The following COX7A2L variants were observed in gnomAD, a reference collection of about 807,000 sequenced individuals.
COX7A2L encodes cytochrome c oxidase subunit 7A2-like, mitochondrial.
In COX7A2L, 18 loss-of-function variants were observed where a neutral mutation model predicts 14.2. The observed-to-expected ratio is 1.27, with a 90% CI of 0.88 to 1.88. The LOEUF (loss-of-function observed/expected upper bound fraction) is 1.88, where lower values mean the gene tolerates loss of function less well. Ranked by LOEUF, COX7A2L falls within the 40% of genes most tolerant of loss-of-function variation. The probability of loss-of-function intolerance (pLI) is 0.00; values close to 1 mark genes in which losing one functional copy is unlikely to be tolerated. For synonymous variants in COX7A2L, 65 were observed against 57.4 expected (o/e 1.13, Z -0.60); for missense variants, 179 against 138.8 (o/e 1.29, Z -1.46).
At chr2:42,347,307 C>CATTT (rs71408096), downstream of COX7A2L, among the ~76,000 whole-genome samples, 2 of 135,052 alleles carry the variant, frequency 1.5e-5, no homozygotes, top group African/African-American at 5.3e-5. Context: ...AAACCAGCAC[C>CATTT]TTTTTTTTTT....
At chr2:42,352,478 T>C (rs1670679630) in intron 2 of COX7A2L, among the ~76,000 whole-genome samples, 1 of 152,142 alleles carries the variant, frequency 6.6e-6, no homozygotes, top group South Asian at 2.1e-4. Context: ...GTGTCCAAAA[T>C]CCTTCCCCAC....
upstream of COX7A2L, chr2:42,365,743 C>A (rs1290078887): frequency 6.6e-6 from 1 of 152,166 alleles, no homozygotes; most frequent in Non-Finnish European, 1.5e-5. Flanking sequence ...TTAGAATGTT[C>A]TTTAATCACC....
At position 42,351,121 on chromosome 2, in the gene COX7A2L, T is replaced by G. The variant is rs1670627649; in HGVS notation, c.*98A>C. The stretch of plus-strand genomic sequence containing the variant: ...CTTCCTATTTTTCTTGCAAAAATGT[T>G]AAGCCATCCAAGTAAAAAAAAAAAT... On this transcript the variant is annotated 3_prime_UTR_variant, in exon 3 of 3. Transcript: ENST00000234301. 7.6e-7 allele frequency: 1 copy of G among 1,315,126 alleles called. No homozygotes were observed. The highest frequency in any genetic ancestry group is 1.0e-6 in the Non-Finnish European group (1 of 978,522). The allele number at this position is 1,315,126 out of a possible 1,614,324, so 81.5% of individuals were successfully genotyped here.
upstream of COX7A2L, among the ~76,000 whole-genome samples, chr2:42,364,250 C>CAAAAAAA (rs35151680): frequency 9.1e-4 from 78 of 85,412 alleles, 1 homozygote; most frequent in South Asian, 4.0e-3. Context: ...GACTCCGTCT[C>CAAAAAAA]AAAAAAAAAA....
intron 1 of COX7A2L, among the ~76,000 whole-genome samples, chr2:42,367,858 C>A (rs1046842181): frequency 6.6e-6 from 1 of 152,238 alleles, no homozygotes; most frequent in African/African-American, 2.4e-5. Context: ...ATCCTCACAT[C>A]TCTTCCACCC....
At chr2:42,347,899 C>T (rs895896546), downstream of COX7A2L, among the ~76,000 whole-genome samples, 3 of 151,932 alleles carry the variant, frequency 2.0e-5, no homozygotes, top group Non-Finnish European at 2.9e-5. Context: ...CCAGCCTGGG[C>T]AACAAGAGCG....
At chr2:42,341,094 A>T (rs1670396352) in intron 2 of COX7A2L, among the ~76,000 whole-genome samples, 1 of 152,160 alleles carries the variant, frequency 6.6e-6, no homozygotes, top group Admixed American at 6.5e-5. Context: ...GGAGAAAACA[A>T]ACAGAAAAAA....
chr2:42,347,314 T>A (rs982845145), downstream of COX7A2L, among the ~76,000 whole-genome samples: 2 of 151,450 alleles, frequency 1.3e-5, no homozygotes, highest in Admixed American at 6.6e-5. Flanking sequence ...CACCTTTTTT[T>A]TTTTTTTTTT....
At chr2:42,361,008 CT>C (rs1434578336) in intron 1 of COX7A2L, 81 bp downstream of exon 1, 12 of 1,490,216 alleles carry the variant, frequency 8.1e-6, no homozygotes, top group Non-Finnish European at 1.1e-5. Context: ...GAAGCCTCCC[CT>C]GGCTCCAACG....
At chr2:42,351,914 T>TC (rs1472937793) in intron 2 of COX7A2L, among the ~76,000 whole-genome samples, 1 of 151,984 alleles carries the variant, frequency 6.6e-6, no homozygotes, top group Non-Finnish European at 1.5e-5. Flanking sequence ...GCCCAAGAGG[T>TC]CAAGGATGCA....
intron 2 of COX7A2L, among the ~76,000 whole-genome samples, chr2:42,351,873 T>C (rs1203322856): frequency 6.6e-6 from 1 of 152,080 alleles, no homozygotes; most frequent in Non-Finnish European, 1.5e-5. Flanking sequence ...GGACTTCCTA[T>C]TAGGGAAGCT....
intron 2 of COX7A2L, among the ~76,000 whole-genome samples, chr2:42,336,006 G>T (rs771253058): frequency 6.6e-6 from 1 of 152,234 alleles, no homozygotes; most frequent in South Asian, 2.1e-4. Flanking sequence ...CATGGGCACA[G>T]AAGTCCTCAG....
intron 1 of COX7A2L, among the ~76,000 whole-genome samples, chr2:42,357,378 A>T (rs1215778206): frequency 1.3e-5 from 2 of 152,204 alleles, no homozygotes; most frequent in African/African-American, 4.8e-5. Flanking sequence ...CATTGATCAC[A>T]GCTCACTGCA....
At position 42,350,654 on chromosome 2, in the gene COX7A2L, A is replaced by G. The variant is rs534150463; in HGVS notation, c.*565T>C. On this transcript the variant is annotated 3_prime_UTR_variant, in exon 3 of 3. Coordinates refer to ENST00000234301, the MANE Select transcript of COX7A2L (RefSeq NM_004718.4). ...CACTAAACAGGTATTCTCTGTTCCC[A>G]CGGTGGAATAATTACACATAAGATT... The G allele has an allele frequency of 7.7e-6, 1 of 129,200 alleles. No individual in the cohort carries two copies. The highest frequency in any genetic ancestry group is 2.5e-4 in the East Asian group (1 of 4,012). The allele number at this position is 129,200 out of a possible 1,614,324, so 8.0% of individuals were successfully genotyped here. A position where few individuals can be genotyped will look rare whatever the true frequency, so the allele number is the denominator to read the frequency against.
chr2:42,347,449 A>T (rs1469360859), downstream of COX7A2L, among the ~76,000 whole-genome samples: 2 of 152,186 alleles, frequency 1.3e-5, no homozygotes, highest in African/African-American at 4.8e-5. Context: ...ATTATGCATT[A>T]AAGTCATATT....
At position 42,342,074 on chromosome 2, in the gene COX7A2L, C is replaced by G. The variant is rs1419362974; in HGVS notation, c.193-8205G>C. 6.6e-6 allele frequency among the ~76,000 whole-genome samples: 1 copy of G among 152,192 alleles called. No homozygotes were observed. The highest frequency in any genetic ancestry group is 6.5e-5 in the Admixed American group (1 of 15,280). ...CAGGTATGAACTGATTCTAGAGCATCTGACCTTCCCCACCCTCTCTAGTGG... is the reference window on the plus strand; with the variant it reads ...CAGGTATGAACTGATTCTAGAGCATGTGACCTTCCCCACCCTCTCTAGTGG... On this transcript the variant is annotated intron_variant, in intron 2 of 2. Coordinates refer to the COX7A2L transcript ENST00000468711. This position sits in a 1 kb window ranked among gnomAD's most constrained non-coding sequence, Gnocchi z 4.9.
chr2:42,340,405 C>G (rs1670378922), intron 2 of COX7A2L, among the ~76,000 whole-genome samples: 1 of 152,208 alleles, frequency 6.6e-6, no homozygotes, highest in African/African-American at 2.4e-5. Flanking sequence ...TTTTTCCTCT[C>G]CATTCTGTCC....
chr2:42,362,644 G>C (rs1671083925), upstream of COX7A2L, among the ~76,000 whole-genome samples: 3 of 152,168 alleles, frequency 2.0e-5, no homozygotes, highest in Admixed American at 2.0e-4. Context: ...GAGCATTCCA[G>C]GGTGAGGGTG....
rs1289026036 is a variant in COX7A2L at position 42,361,211 on chromosome 2, G to A, written c.-50C>T. 2.0e-6 allele frequency: 3 copies of A among 1,531,236 alleles called. No individual in the cohort carries two copies. Among genetic ancestry groups the A allele is most frequent in the Non-Finnish European group, 2.7e-6 (3 of 1,124,800 alleles). The allele number at this position is 1,531,236 out of a possible 1,614,324, so 94.9% of individuals were successfully genotyped here. Reference sequence around the variant, plus strand: ...ATCCGCTGCCAACGCGACCGCCCCAGAGAAGGACCCCGCCTCCCCGGCTGT... The same window carrying A: ...ATCCGCTGCCAACGCGACCGCCCCAAAGAAGGACCCCGCCTCCCCGGCTGT... On this transcript the variant is annotated 5_prime_UTR_variant, in exon 1 of 3. Transcript: ENST00000234301.
Sources: allele counts gnomAD v4.1 joint callset (sites outside exome capture counted in the v4.1 genomes callset), GRCh38; gene constraint gnomAD v4.1.1; non-coding constraint Gnocchi (gnomAD v3.1); transcripts MANE v1.5; gene names NCBI Gene and HGNC (gene_info 2026-07-23, HGNC 2026-07-21).